Variants in EPHA6 observed in about 807,000 individuals in gnomAD.
EPHA6 encodes EPH receptor A6, also known as ephrin type-A receptor 6.
A neutral mutation model predicts 112.0 loss-of-function variants in EPHA6; 50 were observed. The ratio of observed to expected loss-of-function variants is 0.45; its 90% CI spans 0.36 to 0.56. The LOEUF (loss-of-function observed/expected upper bound fraction) is 0.56. Ranked by LOEUF, EPHA6 falls within the 20% of genes least tolerant of loss-of-function variation. EPHA6 has a pLI of 0.00. For synonymous variants in EPHA6, 529 were observed against 490.7 expected (o/e 1.08, Z -1.03); for missense variants, 1,280 against 1,417.4 (o/e 0.90, Z 1.56).
intron 2 of EPHA6, among the ~76,000 whole-genome samples, chr3:96,972,891 C>T (rs540244883): frequency 3.9e-5 from 6 of 152,214 alleles, no homozygotes; most frequent in African/African-American, 1.4e-4. Context: ...TAAAGATTTT[C>T]AGAGGGAAGA....
intron 9 of EPHA6, 95 bp downstream of exon 9, chr3:97,479,459 A>G: frequency 1.3e-6 from 1 of 741,906 alleles, no homozygotes; most frequent in Non-Finnish European, 1.9e-6. Flanking sequence ...GAAAAAAAGA[A>G]AAAAAAAATC....
chr3:97,214,897 C>T (rs2077990203), intron 3 of EPHA6, among the ~76,000 whole-genome samples: 1 of 152,120 alleles, frequency 6.6e-6, no homozygotes, highest in Non-Finnish European at 1.5e-5. Flanking sequence ...AGTAACTTGA[C>T]AACAATATTT....
chr3:96,992,617 T>C (rs1227778502), intron 3 of EPHA6, among the ~76,000 whole-genome samples: 1 of 152,130 alleles, frequency 6.6e-6, no homozygotes, highest in East Asian at 1.9e-4. Context: ...CTAGTTTTTT[T>C]TTTCTTTCTG....
intron 4 of EPHA6, among the ~76,000 whole-genome samples, chr3:97,228,539 G>GTATATATA (rs112022130): frequency 6.8e-6 from 1 of 145,998 alleles, no homozygotes; most frequent in Admixed American, 6.9e-5. Flanking sequence ...GTGTGTGTGT[G>GTATATATA]TATATATATA....
chr3:97,201,375 AT>A (rs1225155275), intron 3 of EPHA6, among the ~76,000 whole-genome samples: 9 of 152,042 alleles, frequency 5.9e-5, no homozygotes, highest in African/African-American at 2.2e-4. Context: ...TTATATAATT[AT>A]TTTTCATAGT....
chr3:97,479,327 A>G lies in EPHA6; in HGVS notation c.2037A>G (p.Ser679=), dbSNP rs2091464705. The G allele has an allele frequency of 6.2e-7, 1 of 1,603,898 alleles. No homozygotes were observed. The highest frequency in any genetic ancestry group is 8.5e-7 in the Non-Finnish European group (1 of 1,176,452). ...CQWYIKAKMK[S]EEKRRNHLQN... Reference sequence around the variant, plus strand: ...GGTACATAAAAGCCAAGATGAAGTCAGAAGAGAAGAGAAGAAACCACTTAC... The same window carrying G: ...GGTACATAAAAGCCAAGATGAAGTCGGAAGAGAAGAGAAGAAACCACTTAC... Residue 679 remains serine, a synonymous_variant, in exon 9 of 18, where the codon TCA becomes TCG. Coordinates refer to ENST00000389672, the MANE Select transcript of EPHA6 (RefSeq NM_001080448.3).
At chr3:97,165,043 G>A (rs2076507297) in intron 3 of EPHA6, among the ~76,000 whole-genome samples, 1 of 152,080 alleles carries the variant, frequency 6.6e-6, no homozygotes, top group Non-Finnish European at 1.5e-5. Context: ...CCACATCAGG[G>A]CCTCATGCTA....
intron 2 of EPHA6, among the ~76,000 whole-genome samples, chr3:96,959,115 A>G (rs2041869074): frequency 6.6e-6 from 1 of 152,198 alleles, no homozygotes; most frequent in Non-Finnish European, 1.5e-5. Flanking sequence ...GCCAGTTTAC[A>G]TTCCCACCAG....
At chr3:97,043,574 A>G (rs1023598476) in intron 3 of EPHA6, among the ~76,000 whole-genome samples, 1 of 152,126 alleles carries the variant, frequency 6.6e-6, no homozygotes, top group Non-Finnish European at 1.5e-5. Flanking sequence ...GGACCTTTTC[A>G]AAGCAGGCTC....
intron 14 of EPHA6, among the ~76,000 whole-genome samples, chr3:97,660,020 A>G (rs2094159756): frequency 1.3e-5 from 2 of 152,042 alleles, no homozygotes; most frequent in South Asian, 4.1e-4. Flanking sequence ...ATAGAGAAAT[A>G]TAAGGAAATC....
chr3:97,065,526 C>G (rs1051279789), intron 3 of EPHA6, among the ~76,000 whole-genome samples: 4 of 152,012 alleles, frequency 2.6e-5, no homozygotes, highest in African/African-American at 9.7e-5. Context: ...CTCTACAATT[C>G]AACTCATTGC....
chr3:97,525,987 C>A (rs1370973426), intron 10 of EPHA6, among the ~76,000 whole-genome samples: 1 of 152,156 alleles, frequency 6.6e-6, no homozygotes, highest in East Asian at 1.9e-4. Flanking sequence ...CCATACTGTA[C>A]AAATTGGTGG....
chr3:96,815,371 C>T (rs1346325494), intron 1 of EPHA6, among the ~76,000 whole-genome samples: 1 of 152,082 alleles, frequency 6.6e-6, no homozygotes, highest in African/African-American at 2.4e-5. Context: ...GGTCGCTCTT[C>T]TCAGGGGAAC....
At chr3:97,475,802 CTCTT>C (rs762193807) in intron 8 of EPHA6, among the ~76,000 whole-genome samples, 4 of 151,974 alleles carry the variant, frequency 2.6e-5, no homozygotes, top group Admixed American at 6.6e-5. Context: ...TATAGAAAAA[CTCTT>C]TATAAACCTA....
chr3:96,948,976 T>C (rs1427138425), intron 2 of EPHA6, among the ~76,000 whole-genome samples: 1 of 152,138 alleles, frequency 6.6e-6, no homozygotes, highest in Non-Finnish European at 1.5e-5. Context: ...CGTGGAGTCC[T>C]GCTATGCTGT....
chr3:97,168,638 C>T (rs891255580), intron 3 of EPHA6, among the ~76,000 whole-genome samples: 6 of 132,262 alleles, frequency 4.5e-5, no homozygotes, highest in Admixed American at 7.9e-5. Context: ...TCTCTCCTGC[C>T]GGCCATGTGA....
At chr3:97,650,381 A>C (rs2094099135) in intron 14 of EPHA6, among the ~76,000 whole-genome samples, 1 of 152,140 alleles carries the variant, frequency 6.6e-6, no homozygotes, top group Non-Finnish European at 1.5e-5. Flanking sequence ...TACCAAAGGA[A>C]ATTACTGCAT....
chr3:97,690,774 A>AT (rs1262850519), intron 14 of EPHA6, among the ~76,000 whole-genome samples: 3 of 151,974 alleles, frequency 2.0e-5, no homozygotes, highest in Non-Finnish European at 4.4e-5. Flanking sequence ...AGCCTTGCCC[A>AT]TTTTTTAAAT....
intron 1 of EPHA6, among the ~76,000 whole-genome samples, chr3:96,822,421 G>C (rs1559749183): frequency 6.6e-6 from 1 of 151,768 alleles, no homozygotes; most frequent in Non-Finnish European, 1.5e-5. Flanking sequence ...TATTGAGCTA[G>C]TTTCCCGGGA....
Sources: allele counts gnomAD v4.1 joint callset (sites outside exome capture counted in the v4.1 genomes callset), GRCh38; gene constraint gnomAD v4.1.1; transcripts MANE v1.5; gene names NCBI Gene and HGNC (gene_info 2026-07-23, HGNC 2026-07-21).